The following PNPLA4 variants were observed in gnomAD, a reference collection of about 807,000 sequenced individuals.
PNPLA4 encodes patatin-like phospholipase domain-containing protein 4.
Under a neutral mutation model 18.3 loss-of-function variants are expected in PNPLA4, and 15 were observed. The observed-to-expected ratio is 0.82, with a 90% confidence interval of 0.55 to 1.26. The LOEUF is 1.26. Among genes scored for constraint, PNPLA4 ranks in the 50% most tolerant of loss-of-function variants. PNPLA4 has a pLI of 0.00. For missense variants in PNPLA4, 229 were observed against 196.8 expected, an observed-to-expected ratio of 1.16 and a Z score of -0.98; for synonymous variants, 88 against 85.6, an observed-to-expected ratio of 1.03 and a Z score of -0.16.
Position 7,926,187 on chromosome X carries a change from T to C in PNPLA4, c.-13-55A>G, listed in dbSNP as rs1000212567. The C allele has an allele frequency of 2.7e-5, 24 of 874,321 alleles. No individual in the cohort carries two copies. In the African/African-American group the frequency reaches 4.7e-4, roughly 17 times the overall value. 72.1% of individuals were successfully genotyped at this position (874,321 alleles called of 1,213,427 possible). On this transcript the variant is annotated intron_variant, in intron 1 of 6. Coordinates refer to ENST00000381042, the MANE Select transcript of PNPLA4 (RefSeq NM_004650.3). The stretch of plus-strand genomic sequence containing the variant: ...AGTTGGAATAGTTTATCCCACATAC[T>C]GTGTAGTCTTATGTTGATCATCGTT...
At chrX:7,924,990 C>T (rs1480270123) in intron 2 of PNPLA4, among the ~76,000 whole-genome samples, 4 of 111,705 alleles carry the variant, frequency 3.6e-5, no homozygotes, top group African/African-American at 1.3e-4. Flanking sequence ...GGGAATTTTC[C>T]GACCTCATTT....
chrX:7,908,287 C>T (rs1208404356), intron 5 of PNPLA4, among the ~76,000 whole-genome samples: 1 of 111,308 alleles, frequency 9.0e-6, no homozygotes, highest in Non-Finnish European at 1.9e-5. Flanking sequence ...GTCCCTTTTT[C>T]CCCTTCTGCC....
At position 7,900,747 on chromosome X, in the gene PNPLA4, A is replaced by G; in HGVS notation, c.701T>C (p.Leu234Ser). 1 of 1,197,971 alleles carries G rather than the reference A, an allele frequency of 8.3e-7. No homozygotes were observed. ...AGTGTCATCAAAACCACACTGATAC[A>G]AAGATTCCATTTTCCTCTTGCTTGG... The part of the protein sequence containing the change: ...FPPSKRKMES[L>S]YQCGFDDTVK... The change falls in exon 7 of 7, where the codon TTG becomes TCG. Residue 234 changes from leucine to serine, a missense_variant. Coordinates refer to ENST00000381042, the MANE Select transcript of PNPLA4 (RefSeq NM_004650.3).
At chrX:7,909,957 G>A (rs1923823087) in intron 5 of PNPLA4, among the ~76,000 whole-genome samples, 1 of 111,727 alleles carries the variant, frequency 9.0e-6, no homozygotes, top group Non-Finnish European at 1.9e-5. Context: ...GTGTATATTG[G>A]AAGAGAACCT....
Position 7,900,428 on chromosome X carries a change from AT to A in PNPLA4, c.*257del. 1 of 171,474 alleles carries A rather than the reference AT, an allele frequency of 5.8e-6. No individual in the cohort carries two copies. The allele number at this position is 171,474 out of a possible 1,213,427, so 14.1% of individuals were successfully genotyped here. On this transcript the variant is annotated 3_prime_UTR_variant, in exon 7 of 7. Transcript: ENST00000381042. ...TTACCCAAAGAACCTATCCTCCTCCATTTTTTAAAGGACACAACAGTTCACC... is the reference window on the plus strand; with the variant it reads ...TTACCCAAAGAACCTATCCTCCTCCATTTTTAAAGGACACAACAGTTCACC...
chrX:7,917,509 G>A (rs1215719131), intron 4 of PNPLA4, among the ~76,000 whole-genome samples: 1 of 111,942 alleles, frequency 8.9e-6, no homozygotes, highest in Non-Finnish European at 1.9e-5. Flanking sequence ...TTCATACAAG[G>A]GTGCTGAGCA....
intron 4 of PNPLA4, among the ~76,000 whole-genome samples, chrX:7,914,668 TATA>T (rs764408683): frequency 6.3e-5 from 7 of 111,762 alleles, no homozygotes; most frequent in Non-Finnish European, 1.3e-4. Context: ...AATACATAAA[TATA>T]ATGATTTATT....
chrX:7,914,745 T>C (rs1341678238), intron 4 of PNPLA4, among the ~76,000 whole-genome samples: 2 of 111,784 alleles, frequency 1.8e-5, no homozygotes, highest in African/African-American at 6.5e-5. Flanking sequence ...TTATGTTTTT[T>C]TTTTCTTTTC....
intron 5 of PNPLA4, among the ~76,000 whole-genome samples, chrX:7,909,600 G>C (rs1231079733): frequency 1.8e-5 from 2 of 110,211 alleles, no homozygotes; most frequent in African/African-American, 6.6e-5. Context: ...CTGGTAACAG[G>C]AATATCGAGG....
chrX:7,920,199 C>T (rs770740623), intron 4 of PNPLA4, among the ~76,000 whole-genome samples: 6 of 110,881 alleles, frequency 5.4e-5, no homozygotes, highest in African/African-American at 1.3e-4. Context: ...GGATGGACCC[C>T]GTGAGAGAGA....
At chrX:7,901,136 G>C (rs1294297398) in intron 6 of PNPLA4, among the ~76,000 whole-genome samples, 1 of 111,863 alleles carries the variant, frequency 8.9e-6, no homozygotes, top group Non-Finnish European at 1.9e-5. Context: ...AAAATGTCTA[G>C]TACAATATCA....
rs59034856 is a variant in PNPLA4 at position 7,899,626 on chromosome X, C to CGAGAGAGAGAGAGAGAGAGAGAGAGAGA, written c.*1032_*1059dup. On this transcript the variant is annotated 3_prime_UTR_variant, in exon 7 of 7. Coordinates refer to ENST00000381042, the MANE Select transcript of PNPLA4 (RefSeq NM_004650.3). The stretch of plus-strand genomic sequence containing the variant: ...TAGCTAAATACTCAGAGAGGTATGG[C>CGAGAGAGAGAGAGAGAGAGAGAGAGAGA]GAGAGAGAGAGAGAGAGAGAGAGAG... 1 of 46,583 alleles carries CGAGAGAGAGAGAGAGAGAGAGAGAGAGA rather than the reference C, an allele frequency of 2.1e-5. No individual in the cohort carries two copies. Among genetic ancestry groups the CGAGAGAGAGAGAGAGAGAGAGAGAGAGA allele is most frequent in the African/African-American group, 8.1e-5 (1 of 12,320 alleles). 3.8% of individuals were successfully genotyped at this position (46,583 alleles called of 1,213,427 possible).
intron 6 of PNPLA4, among the ~76,000 whole-genome samples, chrX:7,901,609 A>C (rs1320887949): frequency 9.0e-6 from 1 of 111,205 alleles, no homozygotes; most frequent in Non-Finnish European, 1.9e-5. Context: ...AATTGCTCTG[A>C]TATCCTACCA....
At chrX:7,902,212 T>C in intron 5 of PNPLA4, 71 bp from the exon 6 acceptor site, 1 of 991,034 alleles carries the variant, frequency 1.0e-6, no homozygotes, top group African/African-American at 1.9e-5. Flanking sequence ...CAGCTTCTAA[T>C]AATATGTGTG....
At chrX:7,910,360 T>C (rs73459293) in intron 5 of PNPLA4, among the ~76,000 whole-genome samples, 1,546 of 111,259 alleles carry the variant, frequency 0.014, 25 homozygotes, top group African/African-American at 0.046. Context: ...AGTTCTTTTG[T>C]TGAGAGACCA....
chrX:7,901,922 C>CTGGAATT (rs1331871030), intron 6 of PNPLA4, 67 bp downstream of exon 6: 21 of 1,066,429 alleles, frequency 2.0e-5, no homozygotes, highest in Non-Finnish European at 2.6e-5. Flanking sequence ...TTGGGAAACA[C>CTGGAATT]GTTGAATTCT....
chrX:7,927,145 T>C (rs1924448432), intron 1 of PNPLA4, 141 bp downstream of exon 1: 1 of 112,536 alleles, frequency 8.9e-6, no homozygotes, highest in Non-Finnish European at 1.9e-5. Context: ...GGGAAGGGGG[T>C]TGGGTGTGTA....
chrX:7,915,318 GTGT>G (rs1924012944), intron 4 of PNPLA4, among the ~76,000 whole-genome samples: 1 of 54,445 alleles, frequency 1.8e-5, no homozygotes, highest in Admixed American at 2.4e-4. Context: ...GGGGGGGGGG[GTGT>G]GTCCTGCTAG....
chrX:7,902,412 G>A (rs1923569777), intron 5 of PNPLA4, among the ~76,000 whole-genome samples: 1 of 111,893 alleles, frequency 8.9e-6, no homozygotes, highest in African/African-American at 3.3e-5. Flanking sequence ...GAAGCCATGT[G>A]TAATTAGATT....
Sources: gnomAD v4.1 joint callset for allele counts (sites outside exome capture counted in the v4.1 genomes callset) on GRCh38, gnomAD v4.1.1 for gene constraint, MANE v1.5 for transcripts, NCBI Gene and HGNC (gene_info 2026-07-23, HGNC 2026-07-21) for gene names.